The following SORBS2 variants were observed in gnomAD, a reference collection of about 807,000 sequenced individuals.
SORBS2 encodes the protein sorbin and SH3 domain containing 2.
In SORBS2, 46 loss-of-function variants were observed where a neutral mutation model predicts 97.7. The ratio of observed to expected loss-of-function variants is 0.47; its 90% confidence interval spans 0.37 to 0.60. The LOEUF is 0.60. Among genes scored for constraint, SORBS2 ranks in the 20% least tolerant of loss-of-function variants. The pLI, the probability that SORBS2 is intolerant of heterozygous loss-of-function variation, is 0.00. For missense variants in SORBS2, 1,316 were observed against 1,282.3 expected, an observed-to-expected ratio of 1.03 and a Z score of -0.40; for synonymous variants, 476 against 473.4, an observed-to-expected ratio of 1.01 and a Z score of -0.07.
chr4:185,740,573 C>T (rs1458802029), intron 2 of SORBS2, among the ~76,000 whole-genome samples: 1 of 152,154 alleles, frequency 6.6e-6, no homozygotes, highest in Non-Finnish European at 1.5e-5. Context: ...TTTGGGAGCC[C>T]CAAATGCAAA....
chr4:185,622,933 G>A, exon 7 of SORBS2: 3 of 1,611,712 alleles, frequency 1.9e-6, no homozygotes, highest in Non-Finnish European at 2.5e-6. Flanking sequence ...CACCGCCACG[G>A]TCTTGGTGGT....
intron 2 of SORBS2, among the ~76,000 whole-genome samples, chr4:185,764,205 C>T (rs909611912): frequency 1.3e-5 from 2 of 152,176 alleles, no homozygotes; most frequent in Non-Finnish European, 2.9e-5. Flanking sequence ...GACTGCTTGT[C>T]TGTTTTACTC....
intron 1 of SORBS2, among the ~76,000 whole-genome samples, chr4:185,655,034 TA>T (rs1306316939): frequency 6.6e-6 from 1 of 152,232 alleles, no homozygotes; most frequent in Admixed American, 6.5e-5. Flanking sequence ...AAGAATCTTG[TA>T]TTTCACTTAA....
At chr4:185,831,040 G>C (rs1414434683) in intron 1 of SORBS2, among the ~76,000 whole-genome samples, 1 of 151,980 alleles carries the variant, frequency 6.6e-6, no homozygotes, top group Non-Finnish European at 1.5e-5. Flanking sequence ...CATTCAACAC[G>C]GTGTTTCAGA....
chr4:185,587,329 A>C, exon 15 of SORBS2: 1 of 280,654 alleles, frequency 3.6e-6, no homozygotes, highest in Non-Finnish European at 6.6e-6. Flanking sequence ...TTTGCCTCAA[A>C]TATTTGACCA....
At chr4:185,601,222 C>A (rs1439452622) in intron 12 of SORBS2, among the ~76,000 whole-genome samples, 2 of 152,248 alleles carry the variant, frequency 1.3e-5, no homozygotes, top group Non-Finnish European at 1.5e-5. Context: ...ATGCTCTCCA[C>A]ATCCATTCTC....
At chr4:185,651,716 G>A (rs2097316882) in intron 2 of SORBS2, 68 bp downstream of exon 11, 1 of 864,102 alleles carries the variant, frequency 1.2e-6, no homozygotes, top group Non-Finnish European at 2.0e-6. Flanking sequence ...GAAAAAAGGT[G>A]ACCGTGTCGT....
At chr4:185,698,075 A>T (rs549072039) in intron 2 of SORBS2, among the ~76,000 whole-genome samples, 42 of 152,304 alleles carry the variant, frequency 2.8e-4, no homozygotes, top group African/African-American at 9.9e-4. Flanking sequence ...ACATTTGAGG[A>T]TAAGATAAAT....
intron 1 of SORBS2, among the ~76,000 whole-genome samples, chr4:185,878,693 C>T (rs1340276867): frequency 3.3e-5 from 5 of 152,190 alleles, no homozygotes; most frequent in Admixed American, 1.3e-4. Flanking sequence ...TTCTGCATTG[C>T]GCTTTCCACC....
At chr4:185,760,614 A>G (rs959495535) in intron 2 of SORBS2, among the ~76,000 whole-genome samples, 2 of 152,218 alleles carry the variant, frequency 1.3e-5, no homozygotes, top group Non-Finnish European at 2.9e-5. Flanking sequence ...ATGTCTGCAT[A>G]ATGCGTCTAC....
chr4:185,705,513 T>C (rs1476758023), intron 2 of SORBS2, among the ~76,000 whole-genome samples: 1 of 151,360 alleles, frequency 6.6e-6, no homozygotes, highest in Non-Finnish European at 1.5e-5. Flanking sequence ...GCCACTGTAC[T>C]CCAGCCTGGC....
chr4:185,780,007 ATTTTTTTTTTTTT>A (rs538693770), intron 1 of SORBS2, among the ~76,000 whole-genome samples: 1 of 98,086 alleles, frequency 1.0e-5, no homozygotes, highest in Non-Finnish European at 1.9e-5. Context: ...GTAGAGTAAC[ATTTTTTTTTTTTT>A]TTTTTTTTTT....
chr4:185,849,017 T>C (rs2099216255), intron 1 of SORBS2, among the ~76,000 whole-genome samples: 1 of 152,186 alleles, frequency 6.6e-6, no homozygotes, highest in Admixed American at 6.5e-5. Context: ...TGACAGCTGC[T>C]AGGTGGTACG....
chr4:185,716,945 T>C (rs1276830855), intron 2 of SORBS2, among the ~76,000 whole-genome samples: 1 of 152,210 alleles, frequency 6.6e-6, no homozygotes, highest in Non-Finnish European at 1.5e-5. Flanking sequence ...AGTAGCAAGA[T>C]GATTTTGATT....
At chr4:185,744,420 G>C (rs1013962447) in intron 2 of SORBS2, among the ~76,000 whole-genome samples, 1 of 152,180 alleles carries the variant, frequency 6.6e-6, no homozygotes, top group African/African-American at 2.4e-5. Context: ...ACAGTGTACT[G>C]TTGGGCTAGA....
intron 1 of SORBS2, among the ~76,000 whole-genome samples, chr4:185,858,352 G>C (rs1456261564): frequency 6.6e-6 from 1 of 152,184 alleles, no homozygotes; most frequent in Non-Finnish European, 1.5e-5. Flanking sequence ...CCCCAGAACT[G>C]TGAGCTAAAT....
intron 2 of SORBS2, among the ~76,000 whole-genome samples, chr4:185,717,115 T>G (rs987118269): frequency 5.9e-5 from 9 of 152,228 alleles, no homozygotes; most frequent in Non-Finnish European, 1.3e-4. Context: ...GGAAGTATAC[T>G]GAGAAGAGCT....
At chr4:185,694,934 T>C (rs1490789157) in intron 2 of SORBS2, among the ~76,000 whole-genome samples, 3 of 151,818 alleles carry the variant, frequency 2.0e-5, no homozygotes, top group Non-Finnish European at 2.9e-5. Flanking sequence ...CTCAAACTCC[T>C]GACCTTGTGA....
intron 4 of SORBS2, among the ~76,000 whole-genome samples, chr4:185,642,324 T>C (rs2097139471): frequency 6.6e-6 from 1 of 152,162 alleles, no homozygotes; most frequent in South Asian, 2.1e-4. Context: ...AGTTTAGTTA[T>C]TGTAGGTTAG....
Sources: allele counts gnomAD v4.1 joint callset (sites outside exome capture counted in the v4.1 genomes callset), GRCh38; gene constraint gnomAD v4.1.1; transcripts MANE v1.5; gene names NCBI Gene and HGNC (gene_info 2026-07-23, HGNC 2026-07-21).